The following OSBPL10 variants were observed in gnomAD, a reference collection of about 807,000 sequenced individuals.
OSBPL10 encodes the protein oxysterol binding protein like 10.
Under a neutral mutation model 81.7 loss-of-function variants are expected in OSBPL10, and 49 were observed. The ratio of observed to expected loss-of-function variants is 0.60; its 90% CI spans 0.48 to 0.76. The LOEUF is 0.76. Ranked by LOEUF, OSBPL10 falls within the 30% of genes least tolerant of loss-of-function variation. The pLI is 0.00. For missense variants in OSBPL10, 923 were observed against 987.8 expected (o/e 0.93, Z 0.88); for synonymous variants, 419 against 383.6 (o/e 1.09, Z -1.08).
At chr3:31,730,920 C>A (rs1468089860) in intron 6 of OSBPL10, among the ~76,000 whole-genome samples, 1 of 152,188 alleles carries the variant, frequency 6.6e-6, no homozygotes, top group Non-Finnish European at 1.5e-5. Flanking sequence ...TCCCAATGAT[C>A]ACTCACATAA....
intron 2 of OSBPL10, among the ~76,000 whole-genome samples, chr3:32,035,776 A>G (rs1178722921): frequency 6.6e-6 from 1 of 152,194 alleles, no homozygotes. Context: ...TTATAGAGAC[A>G]GATAATAGAA....
At chr3:31,981,362 C>G (rs1698839659), upstream of OSBPL10, 3 of 1,082,498 alleles carry the variant, frequency 2.8e-6, no homozygotes, top group South Asian at 1.1e-4. This position sits in a 1 kb window ranked among gnomAD's most constrained non-coding sequence, Gnocchi z 4.5. Flanking sequence ...AGGAAGCCAA[C>G]GGGGCTGGAT....
intron 1 of OSBPL10, among the ~76,000 whole-genome samples, chr3:32,069,614 A>G (rs1405380901): frequency 6.6e-6 from 1 of 152,196 alleles, no homozygotes; most frequent in Non-Finnish European, 1.5e-5. Flanking sequence ...TTTATCACCC[A>G]GTCAGCTCCT....
intron 5 of OSBPL10, among the ~76,000 whole-genome samples, chr3:31,746,739 C>T (rs545017102): frequency 2.7e-5 from 4 of 149,032 alleles, no homozygotes; most frequent in Admixed American, 6.7e-5. Context: ...AACCAAACAC[C>T]GCATGTTCTC....
intron 3 of OSBPL10, among the ~76,000 whole-genome samples, chr3:31,872,370 T>C (rs72851811): frequency 0.026 from 3,950 of 152,136 alleles, 156 homozygotes; most frequent in African/African-American, 0.09. Flanking sequence ...TGGGGCTTCT[T>C]TGTGTACAAA....
intron 1 of OSBPL10, among the ~76,000 whole-genome samples, chr3:31,957,919 G>A (rs1236335366): frequency 3.3e-5 from 5 of 152,176 alleles, no homozygotes; most frequent in African/African-American, 7.2e-5. Context: ...GATTACAGGC[G>A]TGAGCCACCG....
At chr3:31,987,135 T>C (rs1384309859) in intron 2 of OSBPL10, among the ~76,000 whole-genome samples, 1 of 152,094 alleles carries the variant, frequency 6.6e-6, no homozygotes, top group African/African-American at 2.4e-5. Flanking sequence ...CACACACACA[T>C]ATATATACAT....
At chr3:31,668,471 C>T (rs1700249606) in intron 10 of OSBPL10, among the ~76,000 whole-genome samples, 171 bp downstream of exon 10, 1 of 152,220 alleles carries the variant, frequency 6.6e-6, no homozygotes, top group South Asian at 2.1e-4. Flanking sequence ...CTGAAAGGTT[C>T]TGCTCCTAAG....
chr3:31,917,824 TTTG>T lies in OSBPL10; in HGVS notation c.282-37997_282-37995del, dbSNP rs1696800457. ...TATGAGGCTGACTTTGCTCCTCGGT[TTTG>T]TTATCAGCCTTAGTTAAGGTGTTTG... On this transcript the variant is annotated intron_variant, in intron 1 of 11. Coordinates refer to ENST00000396556, the MANE Select transcript of OSBPL10 (RefSeq NM_017784.5). 2.0e-5 allele frequency among the ~76,000 whole-genome samples: 3 copies of T among 151,452 alleles called. No homozygotes were observed. The South Asian group carries it at 6.3e-4, about 32-fold the overall frequency.
At position 31,981,169 on chromosome 3, in the gene OSBPL10, G is replaced by T. The variant is rs1698831363; in HGVS notation, c.11C>A (p.Ala4Glu). The change falls in exon 1 of 12, where the codon GCA becomes GAA. Residue 4 changes from alanine (A) to glutamate (E), a missense_variant. This residue lies in a region of OSBPL10 where 514 missense variants were observed against 508.0 expected (regional missense o/e 1.01). Coordinates refer to ENST00000396556, the MANE Select transcript of OSBPL10 (RefSeq NM_017784.5). This position sits in a 1 kb window ranked among gnomAD's most constrained non-coding sequence, Gnocchi z 4.5. The stretch of plus-strand genomic sequence containing the variant: ...CCCGCCGCCGTCTGTGCCCTGGACT[G>T]CCCTCTCCATGGTCCGTGGGCGCCC... MERAVQGTDGGGGS... is the reference protein window; with the variant it reads MEREVQGTDGGGGS... 6 of 1,476,108 alleles carry T rather than the reference G, an allele frequency of 4.1e-6. No homozygotes were observed. The highest frequency in any genetic ancestry group is 1.3e-5 in the South Asian group (1 of 77,720). The allele number at this position is 1,476,108 out of a possible 1,614,324, so 91.4% of individuals were successfully genotyped here. A position where few individuals can be genotyped will look rare whatever the true frequency, so the allele number is the denominator to read the frequency against.
intron 2 of OSBPL10, among the ~76,000 whole-genome samples, chr3:32,008,140 AAAT>A (rs1489112152): frequency 2.6e-5 from 4 of 151,886 alleles, no homozygotes; most frequent in Non-Finnish European, 5.9e-5. Flanking sequence ...ATTTAATTTA[AAAT>A]TATTGTATAT....
chr3:31,860,363 T>C (rs1340622028), intron 3 of OSBPL10, among the ~76,000 whole-genome samples: 1 of 152,170 alleles, frequency 6.6e-6, no homozygotes, highest in Non-Finnish European at 1.5e-5. Context: ...CATCTTGTTA[T>C]TGGATGGTCC....
chr3:32,012,550 C>G (rs998822225), intron 2 of OSBPL10, among the ~76,000 whole-genome samples: 1 of 152,174 alleles, frequency 6.6e-6, no homozygotes, highest in Non-Finnish European at 1.5e-5. Context: ...AGCAAAATAA[C>G]CAGCTAACAT....
chr3:31,854,585 T>C (rs1462903224), intron 3 of OSBPL10, among the ~76,000 whole-genome samples: 7 of 152,178 alleles, frequency 4.6e-5, no homozygotes, highest in Admixed American at 3.9e-4. Context: ...ATAACACACA[T>C]ACAATATATA....
intron 1 of OSBPL10, among the ~76,000 whole-genome samples, chr3:32,076,388 A>C (rs1420301591): frequency 6.6e-6 from 1 of 151,244 alleles, no homozygotes; most frequent in African/African-American, 2.4e-5. Flanking sequence ...AAAGAATCCC[A>C]CCACCCTTTG....
chr3:31,775,155 G>C (rs1460661205), intron 4 of OSBPL10, among the ~76,000 whole-genome samples: 1 of 152,054 alleles, frequency 6.6e-6, no homozygotes, highest in Non-Finnish European at 1.5e-5. Flanking sequence ...CTGGGTGACA[G>C]AGTGAGACTC....
At chr3:31,959,686 G>A (rs914715819) in intron 1 of OSBPL10, among the ~76,000 whole-genome samples, 5 of 152,170 alleles carry the variant, frequency 3.3e-5, no homozygotes, top group Non-Finnish European at 4.4e-5. Context: ...TTCCAAAACT[G>A]ACTGAGAAGC....
intron 4 of OSBPL10, among the ~76,000 whole-genome samples, chr3:31,778,731 A>T (rs1698612131): frequency 6.6e-6 from 1 of 152,108 alleles, no homozygotes; most frequent in African/African-American, 2.4e-5. Flanking sequence ...ATTGCAAAAA[A>T]ATAATAATAA....
intron 8 of OSBPL10, among the ~76,000 whole-genome samples, chr3:31,678,581 G>A (rs1189481789): frequency 6.6e-6 from 1 of 152,128 alleles, no homozygotes. Context: ...CTACCTTTTC[G>A]AACATTTCCA....
Sources: allele counts gnomAD v4.1 joint callset (sites outside exome capture counted in the v4.1 genomes callset), GRCh38; gene constraint gnomAD v4.1.1; regional missense constraint gnomAD v4.1.1; non-coding constraint Gnocchi (gnomAD v3.1); transcripts MANE v1.5; gene names NCBI Gene and HGNC (gene_info 2026-07-23, HGNC 2026-07-21).